Variants in PCDHA3 observed in about 807,000 individuals in gnomAD.
PCDHA3 encodes protocadherin alpha-3.
Under a neutral mutation model 62.2 loss-of-function variants are expected in PCDHA3, and 41 were observed. The observed-to-expected ratio is 0.66, with a 90% CI of 0.51 to 0.86. The LOEUF is 0.86. PCDHA3 is among the 40% of genes least tolerant of loss of function. PCDHA3 has a pLI of 0.00. For missense variants in PCDHA3, 1,304 were observed against 1,241.2 expected (o/e 1.05, Z -0.76); for synonymous variants, 640 against 555.4 (o/e 1.15, Z -2.14).
intron 3 of PCDHA3, among the ~76,000 whole-genome samples, chr5:141,000,383 CTCTCTCTCTCTCTATA>C (rs1346959358): frequency 3.2e-5 from 2 of 63,198 alleles, no homozygotes; most frequent in African/African-American, 1.4e-4. Context: ...CTCTCTCTCT[CTCTCTCTCTCTCTATA>C]TATATATATA....
rs1351628380 is a variant in PCDHA3, at chr5:140,928,607, G to A, written c.2395-50342G>A. ...TCTGTCCCAGTGGAAATTGTGCCCC[G>A]CTCTGCCAGGACTGGACACTTGGTC... On this transcript the variant is annotated intron_variant, in intron 1 of 3. Coordinates refer to ENST00000522353, the MANE Select transcript of PCDHA3 (RefSeq NM_018906.3). 3.1e-6 allele frequency: 5 copies of A among 1,614,068 alleles called. No homozygotes were observed. In the South Asian group the frequency reaches 3.3e-5, roughly 11 times the overall value.
In PCDHA3 at chr5:140,850,341, G is replaced by T. The variant is rs146727140; in HGVS notation, c.2394+46750G>T. 29 of 1,597,748 alleles carry T rather than the reference G, an allele frequency of 1.8e-5. 2 individuals are homozygous for T. The highest frequency in any genetic ancestry group is 2.4e-5 in the Non-Finnish European group (28 of 1,167,702). Reference sequence around the variant, plus strand: ...TTCATACGAGCTGCAGCCAGAAACGGCCAGCGCGAGCATCCCGTTCCGCGT... The same window carrying T: ...TTCATACGAGCTGCAGCCAGAAACGTCCAGCGCGAGCATCCCGTTCCGCGT... On this transcript the variant is annotated intron_variant, in intron 1 of 3. Transcript: ENST00000522353.
intron 1 of PCDHA3, chr5:140,805,272 T>C (rs2149983675): frequency 7.8e-7 from 1 of 1,287,730 alleles, no homozygotes; most frequent in Non-Finnish European, 9.8e-7. Flanking sequence ...AATGAAAATA[T>C]TACAAATGAA....
intron 1 of PCDHA3, chr5:140,926,329 A>G (rs1435633972): frequency 6.6e-6 from 1 of 152,150 alleles, no homozygotes; most frequent in Non-Finnish European, 1.5e-5. Flanking sequence ...CCGGGGTCAG[A>G]GCGCCGGGAC....
intron 1 of PCDHA3, chr5:140,927,797 C>T (rs1554205063): frequency 6.2e-7 from 1 of 1,614,196 alleles, no homozygotes; most frequent in Non-Finnish European, 8.5e-7. Context: ...CTAGGTCCGC[C>T]TGAAACGCTC....
chr5:140,939,037 T>C (rs1295630675), intron 1 of PCDHA3, among the ~76,000 whole-genome samples: 2 of 152,212 alleles, frequency 1.3e-5, no homozygotes, highest in African/African-American at 4.8e-5. Context: ...TCGGAAGAGT[T>C]GTCTTAGTCC....
intron 1 of PCDHA3, chr5:140,830,438 A>G: frequency 6.2e-7 from 1 of 1,612,916 alleles, no homozygotes; most frequent in Admixed American, 1.7e-5. Context: ...TCCTATTATG[A>G]TGGGTAAGGC....
intron 1 of PCDHA3, among the ~76,000 whole-genome samples, chr5:140,934,420 C>T (rs559621314): frequency 1.1e-4 from 16 of 152,184 alleles, no homozygotes; most frequent in Non-Finnish European, 1.8e-4. Flanking sequence ...TTTGCATTAT[C>T]AATGCAAGTG....
At chr5:140,835,601 A>G (rs2150239166) in intron 1 of PCDHA3, 39 of 1,613,774 alleles carry the variant, frequency 2.4e-5, no homozygotes, top group African/African-American at 6.7e-5. Flanking sequence ...ATTACTATTC[A>G]TTGGTGCTGG....
In PCDHA3 at chr5:140,958,926, C is replaced by T. The variant is rs2095452227; in HGVS notation, c.2395-20023C>T. Among the ~76,000 whole-genome samples the T allele has an allele frequency of 2.1e-5, 3 of 143,506 alleles. No individual in the cohort carries two copies. The Admixed American group carries it at 2.1e-4, about 10-fold the overall frequency. The allele number at this position is 143,506 out of a possible 152,430, so 94.1% of individuals were successfully genotyped here. A position where few individuals can be genotyped will look rare whatever the true frequency, so the allele number is the denominator to read the frequency against. Reference sequence around the variant, plus strand: ...AGAAAAGTCTGCCTGGGTGTGGTGGCTCATACTTGTAATAATATTATATTA... The same window carrying T: ...AGAAAAGTCTGCCTGGGTGTGGTGGTTCATACTTGTAATAATATTATATTA... On this transcript the variant is annotated intron_variant, in intron 1 of 3. Transcript: ENST00000522353.
chr5:140,928,276 G>A (rs2153595075), intron 1 of PCDHA3: 2 of 1,614,172 alleles, frequency 1.2e-6, no homozygotes, highest in South Asian at 1.1e-5. Context: ...TGGCCCTGGG[G>A]CCTCTCTAGG....
intron 1 of PCDHA3, among the ~76,000 whole-genome samples, chr5:140,909,322 T>A (rs1554193738): frequency 6.6e-6 from 1 of 152,236 alleles, no homozygotes. Context: ...ATTTGCCAAA[T>A]CAATGGTTGC....
At chr5:140,924,895 AAAAAAAAAAAT>A (rs1321698386) in intron 1 of PCDHA3, among the ~76,000 whole-genome samples, 1,704 of 132,168 alleles carry the variant, frequency 0.013, 31 homozygotes, top group African/African-American at 0.056. Flanking sequence ...AACCTGTCTC[AAAAAAAAAAAT>A]AAAATAAAAT....
chr5:140,877,546 G>T, intron 1 of PCDHA3: 4 of 1,613,794 alleles, frequency 2.5e-6, no homozygotes, highest in Non-Finnish European at 3.4e-6. Flanking sequence ...TCCCGAAGCG[G>T]CTCTGGTGGA....
At chr5:140,836,364 G>A (rs1774415317) in intron 1 of PCDHA3, 1 of 1,613,596 alleles carries the variant, frequency 6.2e-7, no homozygotes, top group Admixed American at 1.7e-5. Context: ...CTCGCTGACA[G>A]CCACAGCCAC....
intron 1 of PCDHA3, among the ~76,000 whole-genome samples, chr5:140,970,698 A>G (rs2096425914): frequency 6.6e-6 from 1 of 152,228 alleles, no homozygotes; most frequent in Non-Finnish European, 1.5e-5. Flanking sequence ...TTTTAGAGCT[A>G]CTACACAATG....
chr5:140,811,048 G>T (rs1554125652), intron 1 of PCDHA3: 1 of 152,106 alleles, frequency 6.6e-6, no homozygotes, highest in African/African-American at 2.4e-5. Context: ...GGATACATGT[G>T]CACAACGTGC....
At chr5:140,927,701 A>G (rs2084527211) in intron 1 of PCDHA3, 1 of 1,614,052 alleles carries the variant, frequency 6.2e-7, no homozygotes, top group South Asian at 1.1e-5. Context: ...GAAGTCCAGT[A>G]CTCCCTAAGC....
chr5:140,805,907 T>C (rs1763650947), intron 1 of PCDHA3, among the ~76,000 whole-genome samples: 1 of 152,192 alleles, frequency 6.6e-6, no homozygotes, highest in South Asian at 2.1e-4. Flanking sequence ...TTCTGCAGGG[T>C]AAATATTTAG....
Sources: gnomAD v4.1 joint callset for allele counts (sites outside exome capture counted in the v4.1 genomes callset) on GRCh38, gnomAD v4.1.1 for gene constraint, MANE v1.5 for transcripts, NCBI Gene and HGNC (gene_info 2026-07-23, HGNC 2026-07-21) for gene names.